The following TBX15 variants were observed in gnomAD, a reference collection of about 807,000 sequenced individuals.
The protein encoded by TBX15 is T-box transcription factor TBX15.
Under a neutral mutation model 53.9 loss-of-function variants are expected in TBX15, and 18 were observed. The observed-to-expected ratio is 0.33, with a 90% confidence interval of 0.23 to 0.49. The LOEUF (loss-of-function observed/expected upper bound fraction) is 0.49, where lower values mean the gene tolerates loss of function less well. TBX15 is among the 20% of genes least tolerant of loss of function. TBX15 has a pLI of 0.98. For missense variants in TBX15, 692 were observed against 749.5 expected (o/e 0.92, Z 0.90); for synonymous variants, 295 against 278.0 (o/e 1.06, Z -0.61).
At chr1:118,910,338 C>A (rs1414166013) in intron 6 of TBX15, among the ~76,000 whole-genome samples, 1 of 152,172 alleles carries the variant, frequency 6.6e-6, no homozygotes, top group Non-Finnish European at 1.5e-5. Context: ...ACTCATCAAA[C>A]CATGCTCCTC....
chr1:118,916,104 A>G (rs1339451524), intron 5 of TBX15, among the ~76,000 whole-genome samples: 2 of 152,234 alleles, frequency 1.3e-5, no homozygotes, highest in Non-Finnish European at 2.9e-5. Context: ...CAAGCAACAC[A>G]GGTGACAGAA....
chr1:118,921,181 AAAAC>A (rs953900751), intron 5 of TBX15, among the ~76,000 whole-genome samples: 6 of 152,138 alleles, frequency 3.9e-5, no homozygotes, highest in South Asian at 2.1e-4. Flanking sequence ...CCTGTCCCAA[AAAAC>A]AAACAAACAA....
At chr1:118,986,490 G>A (rs1028106973) in intron 1 of TBX15, among the ~76,000 whole-genome samples, 6 of 152,232 alleles carry the variant, frequency 3.9e-5, no homozygotes, top group East Asian at 1.9e-4. Context: ...TCGGGAGCAT[G>A]GAAATTGAAC....
chr1:118,979,574 T>A (rs1342162511), intron 1 of TBX15, among the ~76,000 whole-genome samples: 1 of 152,178 alleles, frequency 6.6e-6, no homozygotes, highest in Non-Finnish European at 1.5e-5. Flanking sequence ...GCGCGAGGTG[T>A]GAGACCCTTG....
At position 118,939,407 on chromosome 1, in the gene TBX15, C is replaced by CAAAAAAAAAAAA. The variant is rs869094141; in HGVS notation, c.206-7587_206-7576dup. On this transcript the variant is annotated intron_variant, in intron 1 of 7. Transcript: ENST00000369429. ...AGGGCAACAGAATGAGATCTAGTCT[C>CAAAAAAAAAAAA]AAAAAAAAAAAAAAAAAAAAAAAAA... Among the ~76,000 whole-genome samples the CAAAAAAAAAAAA allele has an allele frequency of 4.4e-3, 39 of 8,844 alleles. 4 individuals carry two copies. Among genetic ancestry groups the CAAAAAAAAAAAA allele is most frequent in the Non-Finnish European group, 6.0e-3 (29 of 4,810 alleles). 5.8% of individuals were successfully genotyped at this position (8,844 alleles called of 152,430 possible). A position where few individuals can be genotyped will look rare whatever the true frequency, so the allele number is the denominator to read the frequency against.
At chr1:118,892,897 A>G (rs1273448431) in intron 7 of TBX15, among the ~76,000 whole-genome samples, 3 of 152,166 alleles carry the variant, frequency 2.0e-5, no homozygotes, top group Non-Finnish European at 4.4e-5. Flanking sequence ...TCCTGAGACC[A>G]TAAATAATTG....
In TBX15 at chr1:118,939,407, C is replaced by CAAAAAAAAAAA. The variant is rs869094141; in HGVS notation, c.206-7586_206-7576dup. Among the ~76,000 whole-genome samples, 30 of 8,860 alleles carry CAAAAAAAAAAA rather than the reference C, an allele frequency of 3.4e-3. 2 individuals carry two copies. Among genetic ancestry groups the CAAAAAAAAAAA allele is most frequent in the Non-Finnish European group, 4.1e-3 (20 of 4,824 alleles). 5.8% of individuals were successfully genotyped at this position (8,860 alleles called of 152,430 possible). ...AGGGCAACAGAATGAGATCTAGTCT[C>CAAAAAAAAAAA]AAAAAAAAAAAAAAAAAAAAAAAAA... On this transcript the variant is annotated intron_variant, in intron 1 of 7. Coordinates refer to ENST00000369429, the MANE Select transcript of TBX15 (RefSeq NM_001330677.2).
rs771871257 is a variant in TBX15, at chr1:118,884,681, G to A, written c.*51C>T. The A allele has an allele frequency of 5.6e-6, 9 of 1,611,202 alleles. No individual in the cohort carries two copies. The highest frequency in any genetic ancestry group is 7.6e-6 in the Non-Finnish European group (9 of 1,178,460). On this transcript the variant is annotated 3_prime_UTR_variant, in exon 8 of 8. Coordinates refer to ENST00000369429, the MANE Select transcript of TBX15 (RefSeq NM_001330677.2). ...TCCCAAAGAGGAGGATCTGACCACG[G>A]AGACTCTGGGGCCTTGATTGCCAAA... is the stretch of plus-strand genomic sequence containing the variant.
intron 6 of TBX15, among the ~76,000 whole-genome samples, chr1:118,908,224 T>C (rs1176661690): frequency 6.6e-6 from 1 of 152,126 alleles, no homozygotes; most frequent in Non-Finnish European, 1.5e-5. Context: ...TTTTACTGTT[T>C]TGTAGCTAAA....
At chr1:118,918,005 T>A (rs1021296056) in intron 5 of TBX15, among the ~76,000 whole-genome samples, 7 of 152,198 alleles carry the variant, frequency 4.6e-5, no homozygotes, top group Non-Finnish European at 1.0e-4. Flanking sequence ...CTTTCTGTGT[T>A]CAGGCCACTC....
chr1:118,958,415 T>C (rs1656762694), intron 1 of TBX15, among the ~76,000 whole-genome samples: 1 of 152,258 alleles, frequency 6.6e-6, no homozygotes, highest in Non-Finnish European at 1.5e-5. Flanking sequence ...TATAGCAACC[T>C]GAGCAGACTA....
intron 6 of TBX15, among the ~76,000 whole-genome samples, chr1:118,906,057 A>C (rs1026322971): frequency 6.6e-6 from 1 of 152,214 alleles, no homozygotes; most frequent in African/African-American, 2.4e-5. Context: ...GAAATAGTGC[A>C]TTGACGTCAT....
chr1:118,913,413 A>C (rs1655088626), intron 6 of TBX15, among the ~76,000 whole-genome samples: 1 of 152,154 alleles, frequency 6.6e-6, no homozygotes, highest in Admixed American at 6.5e-5. Context: ...CATAGGTAAC[A>C]GCTTTTAATT....
chr1:118,888,574 A>G (rs1469677751), intron 7 of TBX15, among the ~76,000 whole-genome samples: 1 of 152,202 alleles, frequency 6.6e-6, no homozygotes, highest in Non-Finnish European at 1.5e-5. Context: ...TCCAAATGCT[A>G]TGAGCTTCTC....
At chr1:118,888,325 G>A (rs1571145213) in intron 7 of TBX15, among the ~76,000 whole-genome samples, 1 of 152,180 alleles carries the variant, frequency 6.6e-6, no homozygotes, top group Admixed American at 6.5e-5. Flanking sequence ...TGTAACTGAG[G>A]TTTCAAATAA....
intron 1 of TBX15, among the ~76,000 whole-genome samples, chr1:118,979,720 G>A (rs1434762671): frequency 1.3e-5 from 2 of 152,216 alleles, no homozygotes; most frequent in African/African-American, 4.8e-5. Flanking sequence ...CATTTCTCCA[G>A]GATGTAATTA....
chr1:118,893,629 AAAAG>A (rs201269771), intron 7 of TBX15, among the ~76,000 whole-genome samples: 1,960 of 148,954 alleles, frequency 0.013, 89 homozygotes, highest in African/African-American at 0.047. Context: ...GAGAGAAAGA[AAAAG>A]AAAGAAAGAA....
intron 1 of TBX15, among the ~76,000 whole-genome samples, chr1:118,973,635 A>G (rs1463791130): frequency 1.3e-5 from 2 of 152,112 alleles, no homozygotes; most frequent in African/African-American, 4.8e-5. Flanking sequence ...ACTGGCAAAG[A>G]AAAAGAAGAA....
intron 1 of TBX15, among the ~76,000 whole-genome samples, chr1:118,980,499 C>T (rs1252205142): frequency 6.6e-6 from 1 of 152,152 alleles, no homozygotes; most frequent in Non-Finnish European, 1.5e-5. Context: ...TGAGCCTTGG[C>T]AACTATATTG....
Sources: allele counts gnomAD v4.1 joint callset (sites outside exome capture counted in the v4.1 genomes callset), GRCh38; gene constraint gnomAD v4.1.1; transcripts MANE v1.5; gene names NCBI Gene and HGNC (gene_info 2026-07-23, HGNC 2026-07-21).